Variants in KCNH7 observed in about 807,000 individuals in gnomAD.
KCNH7 encodes the protein voltage-gated inwardly rectifying potassium channel KCNH7.
A neutral mutation model predicts 120.8 loss-of-function variants in KCNH7; 49 were observed. The ratio of observed to expected loss-of-function variants is 0.41; its 90% CI spans 0.32 to 0.51. The LOEUF is 0.51. Among genes scored for constraint, KCNH7 ranks in the 20% least tolerant of loss-of-function variants. The pLI is 0.38. For synonymous variants in KCNH7, 547 were observed against 516.1 expected (o/e 1.06, Z -0.81); for missense variants, 1,097 against 1,446.6 (o/e 0.76, Z 3.92).
rs576894598 is a variant in KCNH7, at chr2:162,802,108, A to C, written c.307+34429T>G. Among the ~76,000 whole-genome samples the C allele has an allele frequency of 9.2e-5, 14 of 151,862 alleles. 1 individual carries two copies. In the South Asian group the frequency reaches 2.7e-3, roughly 29 times the overall value. ...TTCAGTAGGTCTTGTGTGAGGTTGG[A>C]AAATTTGCATTTGTAGTAAGTTTAG... On this transcript the variant is annotated intron_variant, in intron 2 of 15. Transcript: ENST00000332142.
chr2:162,823,214 A>G (rs1685172961), intron 2 of KCNH7, among the ~76,000 whole-genome samples: 1 of 136,682 alleles, frequency 7.3e-6, no homozygotes, highest in African/African-American at 2.7e-5. Flanking sequence ...TAAAATATCT[A>G]TGTCTTCGGA....
At chr2:162,668,629 G>A (rs1307266241) in intron 2 of KCNH7, among the ~76,000 whole-genome samples, 1 of 151,998 alleles carries the variant, frequency 6.6e-6, no homozygotes, top group African/African-American at 2.4e-5. Flanking sequence ...AATCTTCCAA[G>A]AAGGGCTCAT....
chr2:162,414,303 ATGTAAG>A (rs1422086758), intron 9 of KCNH7, among the ~76,000 whole-genome samples: 1 of 151,990 alleles, frequency 6.6e-6, no homozygotes, highest in Non-Finnish European at 1.5e-5. Flanking sequence ...AAGGGAAAAT[ATGTAAG>A]TGGGTTTATT....
At chr2:162,637,523 G>A (rs74359104) in intron 2 of KCNH7, among the ~76,000 whole-genome samples, 6,187 of 152,134 alleles carry the variant, frequency 0.041, 233 homozygotes, top group East Asian at 0.12. Flanking sequence ...TTTAGGAGCT[G>A]TATCGTACAT....
At chr2:162,399,552 T>A (rs1262144004) in intron 10 of KCNH7, among the ~76,000 whole-genome samples, 1 of 151,770 alleles carries the variant, frequency 6.6e-6, no homozygotes, top group Non-Finnish European at 1.5e-5. Context: ...CCCCAGTGTG[T>A]GTACATGGCC....
intron 2 of KCNH7, among the ~76,000 whole-genome samples, chr2:162,728,706 A>C (rs912108855): frequency 6.6e-6 from 1 of 152,178 alleles, no homozygotes; most frequent in Non-Finnish European, 1.5e-5. Flanking sequence ...TGAACCCAGG[A>C]GGCAGAGGTT....
At chr2:162,393,787 C>T (rs894910183) in intron 12 of KCNH7, among the ~76,000 whole-genome samples, 1 of 151,878 alleles carries the variant, frequency 6.6e-6, no homozygotes, top group Non-Finnish European at 1.5e-5. Flanking sequence ...GTTACAGAGC[C>T]TACTATTTGA....
chr2:162,677,571 T>C (rs1256397037), intron 2 of KCNH7, among the ~76,000 whole-genome samples: 2 of 151,516 alleles, frequency 1.3e-5, no homozygotes, highest in Non-Finnish European at 3.0e-5. Context: ...AACATGTTTA[T>C]CTATTGTACT....
chr2:162,392,125 TAAG>T, intron 12 of KCNH7, among the ~76,000 whole-genome samples: 1 of 152,182 alleles, frequency 6.6e-6, no homozygotes, highest in Non-Finnish European at 1.5e-5. Flanking sequence ...GACAATATTA[TAAG>T]AAGTAAGTGC....
intron 9 of KCNH7, among the ~76,000 whole-genome samples, chr2:162,420,742 C>A (rs1687676621): frequency 6.6e-6 from 1 of 151,986 alleles, no homozygotes; most frequent in Non-Finnish European, 1.5e-5. Context: ...TGAAAATGAC[C>A]TGAAATGTTT....
rs1381678449 is a variant in KCNH7 at position 162,544,376 on chromosome 2, C to T, written c.308-7296G>A. On this transcript the variant is annotated intron_variant, in intron 2 of 15. Transcript: ENST00000332142. ...AAAAAAAGGTAATGCCAACAGCTAA[C>T]ATTTATTGTGTGCCAGCCACTGTTA... Among the ~76,000 whole-genome samples, 3 of 152,108 alleles carry T rather than the reference C, an allele frequency of 2.0e-5. No individual in the cohort carries two copies. In the East Asian group the frequency reaches 5.8e-4, roughly 29 times the overall value.
At chr2:162,437,317 G>A (rs1309761007) in intron 7 of KCNH7, among the ~76,000 whole-genome samples, 2 of 152,106 alleles carry the variant, frequency 1.3e-5, no homozygotes, top group South Asian at 2.1e-4. Context: ...ATTTGGGGAT[G>A]TTTAGAGAGG....
intron 6 of KCNH7, among the ~76,000 whole-genome samples, chr2:162,460,893 A>C (rs1460820627): frequency 6.6e-6 from 1 of 152,198 alleles, no homozygotes; most frequent in East Asian, 1.9e-4. Flanking sequence ...ACAGAATACC[A>C]GTATGTAACT....
At chr2:162,699,538 A>C (rs990400669) in intron 2 of KCNH7, among the ~76,000 whole-genome samples, 1 of 152,114 alleles carries the variant, frequency 6.6e-6, no homozygotes, top group Non-Finnish European at 1.5e-5. Context: ...GTTATGCTTT[A>C]AGTTCTGGGT....
At position 162,623,544 on chromosome 2, in the gene KCNH7, G is replaced by A. The variant is rs574873341; in HGVS notation, c.308-86464C>T. 2.0e-5 allele frequency among the ~76,000 whole-genome samples: 3 copies of A among 152,266 alleles called. No individual in the cohort carries two copies. The South Asian group carries it at 6.2e-4, about 32-fold the overall frequency. On this transcript the variant is annotated intron_variant, in intron 2 of 15. Transcript: ENST00000332142. ...TGGACACACACTGAAAAACACCGAT[G>A]TAATTAAAGTTCCTCTTAAGGTGTT...
At chr2:162,555,907 G>A (rs985463270) in intron 2 of KCNH7, among the ~76,000 whole-genome samples, 1 of 151,894 alleles carries the variant, frequency 6.6e-6, no homozygotes, top group Admixed American at 6.6e-5. Context: ...AAATAAAGAT[G>A]TTAATTTCAG....
At chr2:162,676,373 C>A (rs1173988548) in intron 2 of KCNH7, among the ~76,000 whole-genome samples, 1 of 151,478 alleles carries the variant, frequency 6.6e-6, no homozygotes, top group Non-Finnish European at 1.5e-5. Context: ...CAGATAGCAA[C>A]GTTATGGTAA....
chr2:162,553,601 A>T (rs547062896), intron 2 of KCNH7, among the ~76,000 whole-genome samples: 218 of 152,262 alleles, frequency 1.4e-3, no homozygotes, highest in Middle Eastern at 0.01. Flanking sequence ...GCGAGCCAAG[A>T]TTGCGCCACT....
chr2:162,631,752 T>C (rs1683776199), intron 2 of KCNH7, among the ~76,000 whole-genome samples: 1 of 151,916 alleles, frequency 6.6e-6, no homozygotes, highest in Admixed American at 6.6e-5. Flanking sequence ...ATTGATAGCT[T>C]ATTGAGAAGG....
Sources: gnomAD v4.1 joint callset for allele counts (sites outside exome capture counted in the v4.1 genomes callset) on GRCh38, gnomAD v4.1.1 for gene constraint, MANE v1.5 for transcripts, NCBI Gene and HGNC (gene_info 2026-07-23, HGNC 2026-07-21) for gene names.